The following ANGPT4 variants were observed in gnomAD, a reference collection of about 807,000 sequenced individuals.
ANGPT4 encodes angiopoietin 4, also known as angiopoietin-4.
In ANGPT4, 50 loss-of-function variants were observed where a neutral mutation model predicts 53.0. The ratio of observed to expected loss-of-function variants is 0.94; its 90% CI spans 0.75 to 1.20. The LOEUF (loss-of-function observed/expected upper bound fraction) is 1.20, where lower values mean the gene tolerates loss of function less well. Ranked by LOEUF, ANGPT4 falls within the 50% of genes most tolerant of loss-of-function variation. The probability of loss-of-function intolerance (pLI) is 0.00; values close to 1 mark genes in which losing one functional copy is unlikely to be tolerated. For synonymous variants in ANGPT4, 251 were observed against 259.7 expected, an observed-to-expected ratio of 0.97 and a Z score of 0.32; for missense variants, 648 against 637.1, an observed-to-expected ratio of 1.02 and a Z score of -0.18.
At position 872,732 on chromosome 20, in the gene ANGPT4, C is replaced by A; in HGVS notation, c.*228G>T. The A allele has an allele frequency of 5.4e-6, 3 of 556,004 alleles. No individual in the cohort carries two copies. Among genetic ancestry groups the A allele is most frequent in the Non-Finnish European group, 9.6e-6 (3 of 312,244 alleles). The allele number at this position is 556,004 out of a possible 1,614,324, so 34.4% of individuals were successfully genotyped here. A position where few individuals can be genotyped will look rare whatever the true frequency, so the allele number is the denominator to read the frequency against. The stretch of plus-strand genomic sequence containing the variant: ...TGAAGGGGGAGGGAGAGAAGAGGGG[C>A]GAGGACTACATCAGAGGGATGGGCC... On this transcript the variant is annotated 3_prime_UTR_variant, in exon 9 of 9. Transcript: ENST00000381922.
rs1159791860 is a variant in ANGPT4, at chr20:888,476, AAGCGCTACAGG to A, written c.466-48_466-38del. The A allele has an allele frequency of 3.0e-5, 48 of 1,594,806 alleles. No homozygotes were observed. The Admixed American group carries it at 8.1e-4, about 27-fold the overall frequency. ...AGCAGAAGCAGGTAGGGGGCTGCGTAAGCGCTACAGGAGCCCTGCCCAACCACCCACCTGCC... is the reference window on the plus strand; with the variant it reads ...AGCAGAAGCAGGTAGGGGGCTGCGTAAGCCCTGCCCAACCACCCACCTGCC... On this transcript the variant is annotated intron_variant, in intron 2 of 8. Coordinates refer to ENST00000381922, the MANE Select transcript of ANGPT4 (RefSeq NM_015985.4).
Position 912,814 on chromosome 20 carries a change from G to C in ANGPT4, c.309+3092C>G, listed in dbSNP as rs571968892. On this transcript the variant is annotated intron_variant, in intron 1 of 8. Coordinates refer to ENST00000381922, the MANE Select transcript of ANGPT4 (RefSeq NM_015985.4). The stretch of plus-strand genomic sequence containing the variant: ...CTGGGGACTTGGAAACTCTGCAGTA[G>C]AAGGGAGCACCAAGAGCATCCCATC... 6.8e-4 allele frequency among the ~76,000 whole-genome samples: 104 copies of C among 152,276 alleles called. 1 individual carries two copies. The highest frequency in any genetic ancestry group is 3.4e-3 in the Middle Eastern group (1 of 294).
At chr20:881,757 C>T (rs1232314239) in intron 4 of ANGPT4, among the ~76,000 whole-genome samples, 4 of 152,148 alleles carry the variant, frequency 2.6e-5, no homozygotes, top group Admixed American at 6.5e-5. Flanking sequence ...CCAAGTCAGC[C>T]GTGAGTGCCA....
In ANGPT4 at chr20:911,321, C is replaced by G. The variant is rs117907565; in HGVS notation, c.309+4585G>C. On this transcript the variant is annotated intron_variant, in intron 1 of 8. Coordinates refer to ENST00000381922, the MANE Select transcript of ANGPT4 (RefSeq NM_015985.4). The surrounding 1 kb of genome is among the most constrained non-coding windows in gnomAD (Gnocchi z 4.9). ...GGGGCAGTGCCAGGTTGGGAGGCCC[C>G]TGCCCAGCCCCTGACCCCTCTCTGC... Among the ~76,000 whole-genome samples, 687 of 152,322 alleles carry G rather than the reference C, an allele frequency of 4.5e-3. 22 individuals are homozygous for G. In the East Asian group the frequency reaches 0.098, roughly 22 times the overall value.
intron 4 of ANGPT4, among the ~76,000 whole-genome samples, chr20:881,488 G>A (rs1981404577): frequency 6.6e-6 from 1 of 152,178 alleles, no homozygotes; most frequent in Non-Finnish European, 1.5e-5. Flanking sequence ...GCCCAGTGGA[G>A]AAGGGGAAGG....
chr20:905,458 G>A (rs577550722), intron 1 of ANGPT4, among the ~76,000 whole-genome samples: 4 of 152,250 alleles, frequency 2.6e-5, no homozygotes, highest in African/African-American at 9.6e-5. Context: ...TAGGAGCCTC[G>A]AGCCCAGGCC....
rs1981244414 is a variant in ANGPT4 at position 878,158 on chromosome 20, C to A, written c.1220+3G>T. The A allele has an allele frequency of 2.5e-6, 4 of 1,590,082 alleles. No individual in the cohort carries two copies. The highest frequency in any genetic ancestry group is 3.4e-6 in the Non-Finnish European group (4 of 1,160,742). On this transcript the variant is annotated splice_donor_region_variant and intron_variant, in intron 7 of 8. Coordinates refer to ENST00000381922, the MANE Select transcript of ANGPT4 (RefSeq NM_015985.4). The stretch of plus-strand genomic sequence containing the variant: ...CCCACAACGGCCTGGGCCCCGAACC[C>A]ACCTGTATAGCTGGTTCTCACTGCC...
In ANGPT4 at chr20:872,009, CA is replaced by C. The variant is rs1243060218; in HGVS notation, c.*950del. 1 of 152,092 alleles carries C rather than the reference CA, an allele frequency of 6.6e-6. No individual in the cohort carries two copies. Among genetic ancestry groups the C allele is most frequent in the Non-Finnish European group, 1.5e-5 (1 of 68,014 alleles). 9.4% of individuals were successfully genotyped at this position (152,092 alleles called of 1,614,324 possible). A position where few individuals can be genotyped will look rare whatever the true frequency, so the allele number is the denominator to read the frequency against. The stretch of plus-strand genomic sequence containing the variant: ...ATGCCAGGGGAGCACTAGCTTTGTC[CA>C]AGAGCATCTACAGTCCTGTGAGATG... On this transcript the variant is annotated 3_prime_UTR_variant, in exon 9 of 9. Transcript: ENST00000381922.
Position 885,622 on chromosome 20 carries a change from G to A in ANGPT4, c.588-297C>T, listed in dbSNP as rs1981590437. Reference sequence around the variant, plus strand: ...TTTTTGACCCAGCAGTCTACTCTCAGGAGTTATCCTCTAGGGAGCATGGTC... The same window carrying A: ...TTTTTGACCCAGCAGTCTACTCTCAAGAGTTATCCTCTAGGGAGCATGGTC... On this transcript the variant is annotated intron_variant, in intron 3 of 8. Coordinates refer to ENST00000381922, the MANE Select transcript of ANGPT4 (RefSeq NM_015985.4). 3.9e-5 allele frequency among the ~76,000 whole-genome samples: 6 copies of A among 152,316 alleles called. No homozygotes were observed. In the South Asian group the frequency reaches 1.0e-3, roughly 26 times the overall value.
At chr20:882,513 C>G (rs979794116) in intron 4 of ANGPT4, among the ~76,000 whole-genome samples, 3 of 151,382 alleles carry the variant, frequency 2.0e-5, no homozygotes, top group East Asian at 2.0e-4. Flanking sequence ...GGCTATTGCT[C>G]TCATGTCACA....
intron 4 of ANGPT4, among the ~76,000 whole-genome samples, chr20:884,837 G>A (rs1389699145): frequency 6.6e-6 from 1 of 152,146 alleles, no homozygotes; most frequent in East Asian, 1.9e-4. Flanking sequence ...GGTAAACTGA[G>A]GCCAAGAGAG....
At chr20:888,467 G>C in intron 2 of ANGPT4, 28 bp from the exon 3 acceptor site, 1 of 1,602,908 alleles carries the variant, frequency 6.2e-7, no homozygotes, top group South Asian at 1.1e-5. Context: ...AGCAGGTAGG[G>C]GGCTGCGTAA....
chr20:904,088 C>G (rs947064209), intron 1 of ANGPT4, among the ~76,000 whole-genome samples: 4 of 152,114 alleles, frequency 2.6e-5, no homozygotes, highest in African/African-American at 9.7e-5. Context: ...AAATGTAAAT[C>G]TTTGTAATTT....
intron 1 of ANGPT4, among the ~76,000 whole-genome samples, chr20:892,765 T>A (rs1469330758): frequency 1.3e-5 from 2 of 152,118 alleles, no homozygotes; most frequent in African/African-American, 4.8e-5. Flanking sequence ...CTGAAACTAC[T>A]GGCTTCAAAC....
At chr20:888,505 C>A in intron 2 of ANGPT4, 66 bp from the exon 3 acceptor site, 2 of 1,546,672 alleles carry the variant, frequency 1.3e-6, no homozygotes, top group Non-Finnish European at 1.7e-6. Context: ...CCCAACCACC[C>A]ACCTGCCCAC....
At chr20:880,992 G>T (rs1232050497) in intron 5 of ANGPT4, among the ~76,000 whole-genome samples, 179 bp downstream of exon 5, 1 of 152,184 alleles carries the variant, frequency 6.6e-6, no homozygotes, top group Non-Finnish European at 1.5e-5. Flanking sequence ...CCAACTTTGG[G>T]AACTTCTGCT....
chr20:889,298 A>G (rs1253269460), intron 2 of ANGPT4, among the ~76,000 whole-genome samples: 1 of 152,108 alleles, frequency 6.6e-6, no homozygotes, highest in African/African-American at 2.4e-5. Context: ...ATGTTGTAAG[A>G]AAGTCGTCAT....
At chr20:906,149 G>A (rs1031216204) in intron 1 of ANGPT4, among the ~76,000 whole-genome samples, 2 of 152,222 alleles carry the variant, frequency 1.3e-5, no homozygotes, top group Admixed American at 6.5e-5. Context: ...AAACGTTAGT[G>A]TGACTTCCTT....
chr20:893,526 C>G (rs974609898), intron 1 of ANGPT4, among the ~76,000 whole-genome samples: 4 of 152,206 alleles, frequency 2.6e-5, no homozygotes, highest in Non-Finnish European at 5.9e-5. Context: ...GCATCAGGGC[C>G]CTGCCCCAGG....
Sources: allele counts gnomAD v4.1 joint callset (sites outside exome capture counted in the v4.1 genomes callset), GRCh38; gene constraint gnomAD v4.1.1; non-coding constraint Gnocchi (gnomAD v3.1); transcripts MANE v1.5; gene names NCBI Gene and HGNC (gene_info 2026-07-23, HGNC 2026-07-21).